MDH2: variants seen among roughly 807,000 people sequenced by gnomAD.
MDH2 encodes malate dehydrogenase, mitochondrial.
Under a neutral mutation model 33.6 loss-of-function variants are expected in MDH2, and 25 were observed. That is an observed-to-expected ratio of 0.74 (90% CI 0.54 to 1.04). The LOEUF (loss-of-function observed/expected upper bound fraction) is 1.04, where lower values mean the gene tolerates loss of function less well. Among genes scored for constraint, MDH2 ranks in the 50% least tolerant of loss-of-function variants. The pLI, the probability that MDH2 is intolerant of heterozygous loss-of-function variation, is 0.00. For synonymous variants in MDH2, 193 were observed against 188.7 expected (o/e 1.02, Z -0.19); for missense variants, 432 against 445.0 (o/e 0.97, Z 0.26).
chr7:76,055,755 T>A (rs895756721), intron 2 of MDH2, among the ~76,000 whole-genome samples: 13 of 150,968 alleles, frequency 8.6e-5, no homozygotes, highest in East Asian at 7.8e-4. Flanking sequence ...AAAAAAAAAA[T>A]TTCATAAATA....
At chr7:76,057,625 G>T in intron 3 of MDH2, 132 bp downstream of exon 3, 1 of 886,142 alleles carries the variant, frequency 1.1e-6, no homozygotes, top group East Asian at 2.6e-5. Flanking sequence ...CCTTTCCTGT[G>T]GGGTAAAGGT....
Position 76,054,582 on chromosome 7 carries a change from T to G in MDH2, c.67-248T>G, listed in dbSNP as rs1797715279. 6.2e-6 allele frequency: 3 copies of G among 483,546 alleles called. No individual in the cohort carries two copies. In the South Asian group the frequency reaches 7.2e-5, roughly 12 times the overall value. 30.0% of individuals were successfully genotyped at this position (483,546 alleles called of 1,614,324 possible). On this transcript the variant is annotated intron_variant, in intron 1 of 8. Coordinates refer to ENST00000315758, the MANE Select transcript of MDH2 (RefSeq NM_005918.4). Reference sequence around the variant, plus strand: ...GATGGAGTCCAGCTTGTTCTTCATCTTTCAGGAGGGTTTTGAAGTACCCTG... The same window carrying G: ...GATGGAGTCCAGCTTGTTCTTCATCGTTCAGGAGGGTTTTGAAGTACCCTG...
rs1215846502 is a variant in MDH2, at chr7:76,063,565, G to A, written c.606G>A (p.Gly202=). Residue 202 remains glycine (G), a synonymous_variant, in exon 6 of 9, where the codon GGG becomes GGA. Transcript: ENST00000315758. ...TCCCTGTCATTGGTGGCCATGCTGG[G>A]AAGACCATCATCCCCCTGATCTCTC... ...VNVPVIGGHA[G]KTIIPLISQC... is the part of the protein sequence containing the mutation. 1.9e-6 allele frequency: 3 copies of A among 1,614,134 alleles called. No individual in the cohort carries two copies. The highest frequency in any genetic ancestry group is 2.2e-5 in the East Asian group (1 of 44,904).
intron 7 of MDH2, 21 bp from the exon 8 acceptor site, chr7:76,064,781 G>A: frequency 6.2e-7 from 1 of 1,608,920 alleles, no homozygotes; most frequent in Non-Finnish European, 8.5e-7. Flanking sequence ...CAGCCAGGCT[G>A]ACCTGTCTGT....
In MDH2 at chr7:76,060,442, T is replaced by C; in HGVS notation, c.499T>C (p.Phe167Leu). The change falls in exon 5 of 9, where the codon TTC becomes CTC. Residue 167 changes from phenylalanine (F) to leucine (L), a missense_variant. Phe to Leu is a conservative substitution (Grantham distance 22). Transcript: ENST00000315758. Reference protein sequence around the residue: ...KHGVYNPNKIFGVTTLDIVRA... With the variant: ...KHGVYNPNKILGVTTLDIVRA... ...TGGAGTGTACAACCCCAACAAAATC[T>C]TCGGCGTGACGACCCTGGACATCGT... 6.2e-7 allele frequency: 1 copy of C among 1,614,038 alleles called. No homozygotes were observed.
intron 1 of MDH2, chr7:76,049,079 G>A: frequency 1.0e-6 from 1 of 983,090 alleles, no homozygotes; most frequent in Non-Finnish European, 1.2e-6. Flanking sequence ...TAATTACGAC[G>A]CCCAAGAGGG....
chr7:76,056,918 CAGG>C (rs1339100856), intron 2 of MDH2, among the ~76,000 whole-genome samples: 1 of 151,718 alleles, frequency 6.6e-6, no homozygotes, highest in Non-Finnish European at 1.5e-5. Context: ...GAGGCTGAAA[CAGG>C]AGAATCACAT....
At chr7:76,060,562 T>C (rs1797918872) in intron 5 of MDH2, 64 bp downstream of exon 5, 2 of 1,593,474 alleles carry the variant, frequency 1.3e-6, no homozygotes, top group Admixed American at 3.5e-5. Context: ...CCGTGCTCAT[T>C]TACGGGCGTG....
chr7:76,060,277 C>T, intron 4 of MDH2, 96 bp from the exon 5 acceptor site: 2 of 1,518,934 alleles, frequency 1.3e-6, no homozygotes, highest in Non-Finnish European at 1.8e-6. Flanking sequence ...CTAGTTAGAC[C>T]TTTGGGAAGG....
rs936270761 is a variant in MDH2, at chr7:76,066,981, A to T, written c.*571A>T. On this transcript the variant is annotated 3_prime_UTR_variant, in exon 9 of 9. Coordinates refer to ENST00000315758, the MANE Select transcript of MDH2 (RefSeq NM_005918.4). ...GTCCCCCTTGGGATTTCATCTTCTGACCGAACCCTGATGTTCAGTGGCAGA... is the reference window on the plus strand; with the variant it reads ...GTCCCCCTTGGGATTTCATCTTCTGTCCGAACCCTGATGTTCAGTGGCAGA... The T allele has an allele frequency of 6.6e-6, 1 of 152,148 alleles. No homozygotes were observed. Among genetic ancestry groups the T allele is most frequent in the African/African-American group, 2.4e-5 (1 of 41,400 alleles). 9.4% of individuals were successfully genotyped at this position (152,148 alleles called of 1,614,324 possible). A position where few individuals can be genotyped will look rare whatever the true frequency, so the allele number is the denominator to read the frequency against.
At chr7:76,062,745 T>C (rs1739436572) in intron 5 of MDH2, among the ~76,000 whole-genome samples, 1 of 152,164 alleles carries the variant, frequency 6.6e-6, no homozygotes, top group African/African-American at 2.4e-5. Context: ...CAACACCCCA[T>C]CTGTACAAAA....
chr7:76,062,582 G>A (rs905246117), intron 5 of MDH2, among the ~76,000 whole-genome samples: 1 of 152,140 alleles, frequency 6.6e-6, no homozygotes, highest in African/African-American at 2.4e-5. Context: ...CTGTTCCCTC[G>A]CTACCATTAC....
chr7:76,057,287 C>T (rs1797812452), intron 2 of MDH2, 123 bp from the exon 3 acceptor site: 4 of 908,436 alleles, frequency 4.4e-6, no homozygotes, highest in Non-Finnish European at 6.8e-6. Context: ...AAGGAAGTCA[C>T]GTTACAGGCA....
chr7:76,059,704 C>T (rs1797887915), intron 4 of MDH2, among the ~76,000 whole-genome samples: 1 of 152,192 alleles, frequency 6.6e-6, no homozygotes, highest in Admixed American at 6.5e-5. Flanking sequence ...ATGCAGAGCT[C>T]GTGCTCCTGG....
intron 5 of MDH2, among the ~76,000 whole-genome samples, chr7:76,062,096 T>G (rs1326685575): frequency 6.6e-6 from 1 of 152,176 alleles, no homozygotes; most frequent in Non-Finnish European, 1.5e-5. Flanking sequence ...GGACTGTCAT[T>G]ACCCCTGGCT....
At position 76,051,343 on chromosome 7, in the gene MDH2, C is replaced by T. The variant is rs1178792256; in HGVS notation, c.66+3117C>T. Among the ~76,000 whole-genome samples the T allele has an allele frequency of 4.6e-5, 6 of 131,450 alleles. No individual in the cohort carries two copies. The East Asian group carries it at 1.2e-3, about 26-fold the overall frequency. 86.2% of individuals were successfully genotyped at this position (131,450 alleles called of 152,430 possible). On this transcript the variant is annotated intron_variant, in intron 1 of 8. Coordinates refer to ENST00000315758, the MANE Select transcript of MDH2 (RefSeq NM_005918.4). Reference sequence around the variant, plus strand: ...ATTTTTTTTTTTTTTTTTTTTGAGACGGAGTTCCGCTCTTGTTGCCCAGGC... The same window carrying T: ...ATTTTTTTTTTTTTTTTTTTTGAGATGGAGTTCCGCTCTTGTTGCCCAGGC...
intron 4 of MDH2, 74 bp from the exon 5 acceptor site, chr7:76,060,299 G>A: frequency 6.3e-7 from 1 of 1,577,038 alleles, no homozygotes; most frequent in Non-Finnish European, 8.6e-7. Context: ...CTGACAAAAA[G>A]CCCTTTTCCT....
At chr7:76,053,767 G>A (rs1280583640) in intron 1 of MDH2, among the ~76,000 whole-genome samples, 1 of 151,590 alleles carries the variant, frequency 6.6e-6, no homozygotes, top group Non-Finnish European at 1.5e-5. Flanking sequence ...GCCTGCCAGG[G>A]ATCGGCTGTG....
At chr7:76,064,085 C>T (rs999521603) in intron 6 of MDH2, among the ~76,000 whole-genome samples, 2 of 150,002 alleles carry the variant, frequency 1.3e-5, no homozygotes, top group African/African-American at 2.5e-5. Flanking sequence ...GATTTCACTT[C>T]GTCTTTTTTT....
Sources: gnomAD v4.1 joint callset for allele counts (sites outside exome capture counted in the v4.1 genomes callset) on GRCh38, gnomAD v4.1.1 for gene constraint, MANE v1.5 for transcripts, NCBI Gene and HGNC (gene_info 2026-07-23, HGNC 2026-07-21) for gene names.